SNX2: variants seen among roughly 807,000 people sequenced by gnomAD.
SNX2 encodes sorting nexin-2.
SNX2 carries 25 observed loss-of-function variants against 69.9 expected under a neutral mutation model. The ratio of observed to expected loss-of-function variants is 0.36; its 90% CI spans 0.26 to 0.50. The LOEUF is 0.50. SNX2 is among the 20% of genes least tolerant of loss of function. The probability of loss-of-function intolerance (pLI) is 0.97; values close to 1 mark genes in which losing one functional copy is unlikely to be tolerated. For synonymous variants in SNX2, 229 were observed against 200.4 expected (o/e 1.14, Z -1.20); for missense variants, 551 against 613.3 (o/e 0.90, Z 1.07).
chr5:122,800,217 C>T (rs1753476769), intron 3 of SNX2, among the ~76,000 whole-genome samples: 1 of 151,910 alleles, frequency 6.6e-6, no homozygotes, highest in African/African-American at 2.4e-5. Flanking sequence ...ACTGTTAATA[C>T]TTAAAGGTTG....
At chr5:122,809,956 T>G (rs551975617) in intron 7 of SNX2, among the ~76,000 whole-genome samples, 4 of 152,132 alleles carry the variant, frequency 2.6e-5, no homozygotes, top group Admixed American at 1.3e-4. Flanking sequence ...GTAGGAGAGG[T>G]CATAGACTGA....
chr5:122,817,083 T>C, intron 9 of SNX2, 55 bp downstream of exon 9: 1 of 1,337,454 alleles, frequency 7.5e-7, no homozygotes, highest in South Asian at 1.2e-5. Context: ...GCCCAACAAT[T>C]GCATTTTAAA....
chr5:122,832,676 C>T lies in SNX2; in HGVS notation c.*3028C>T, dbSNP rs1754320962. 1.3e-5 allele frequency: 2 copies of T among 152,106 alleles called. No homozygotes were observed. Among genetic ancestry groups the T allele is most frequent in the African/African-American group, 4.8e-5 (2 of 41,414 alleles). The allele number at this position is 152,106 out of a possible 1,614,324, so 9.4% of individuals were successfully genotyped here. A position where few individuals can be genotyped will look rare whatever the true frequency, so the allele number is the denominator to read the frequency against. On this transcript the variant is annotated 3_prime_UTR_variant, in exon 15 of 15. Transcript: ENST00000379516. ...TATGACATAAGCCTTTTAACATAAT[C>T]AGCTTTCTTTAAAGGAGGAAGTCAG...
At chr5:122,775,242 G>T in intron 1 of SNX2, 31 bp downstream of exon 1, 1 of 1,530,462 alleles carries the variant, frequency 6.5e-7, no homozygotes, top group East Asian at 2.5e-5. Context: ...GTGCTGCGCT[G>T]CGTAGCTGCC....
intron 1 of SNX2, among the ~76,000 whole-genome samples, chr5:122,783,972 C>G (rs34938313): frequency 0.2 from 30,945 of 151,618 alleles, 3,587 homozygotes; most frequent in East Asian, 0.46. Flanking sequence ...GCATACAGAT[C>G]TAGCACATAT....
intron 1 of SNX2, among the ~76,000 whole-genome samples, chr5:122,780,576 C>CT (rs57210069): frequency 8.7e-4 from 102 of 116,894 alleles, no homozygotes; most frequent in Non-Finnish European, 1.1e-3. Flanking sequence ...CTTTTCTTTT[C>CT]TTTTTTTTTT....
intron 1 of SNX2, among the ~76,000 whole-genome samples, chr5:122,785,508 T>A (rs1405460419): frequency 6.6e-6 from 1 of 152,014 alleles, no homozygotes; most frequent in Non-Finnish European, 1.5e-5. Flanking sequence ...CTTTTCTCCC[T>A]ACTCTTGCTG....
intron 11 of SNX2, among the ~76,000 whole-genome samples, chr5:122,823,706 G>C (rs989976290): frequency 1.2e-5 from 1 of 83,838 alleles, no homozygotes; most frequent in African/African-American, 6.3e-5. Context: ...TTTGGTGGTC[G>C]TGTGTATGTG....
chr5:122,811,366 ATTGAG>A (rs1753772156), intron 7 of SNX2, among the ~76,000 whole-genome samples: 1 of 152,196 alleles, frequency 6.6e-6, no homozygotes, highest in African/African-American at 2.4e-5. Context: ...TTTAGATCAT[ATTGAG>A]TGTATTTTAT....
intron 14 of SNX2, 40 bp downstream of exon 14, chr5:122,827,686 GT>G (rs767429952): frequency 1.4e-6 from 2 of 1,420,436 alleles, no homozygotes; most frequent in African/African-American, 1.4e-5. Flanking sequence ...TCTAGAATTT[GT>G]TTTTGGTATA....
At chr5:122,792,865 A>G (rs1444197859) in intron 1 of SNX2, among the ~76,000 whole-genome samples, 2 of 152,214 alleles carry the variant, frequency 1.3e-5, no homozygotes, top group South Asian at 2.1e-4. Context: ...CCCTTTAAAC[A>G]TATGAAAAAT....
chr5:122,775,714 C>T (rs1752842033), intron 1 of SNX2: 3 of 985,674 alleles, frequency 3.0e-6, no homozygotes, highest in Admixed American at 1.2e-4. Context: ...CCTTCACGGA[C>T]TGCTGGTTCC....
intron 7 of SNX2, among the ~76,000 whole-genome samples, chr5:122,811,993 A>C (rs79857306): frequency 2.0e-5 from 3 of 152,124 alleles, no homozygotes; most frequent in Non-Finnish European, 4.4e-5. Flanking sequence ...GGATTATCTA[A>C]TTCATTAGGA....
chr5:122,799,960 T>G, intron 3 of SNX2, 105 bp downstream of exon 3: 2 of 890,360 alleles, frequency 2.2e-6, no homozygotes, highest in Non-Finnish European at 3.3e-6. Context: ...TTTAGACATT[T>G]TGGGAAAAGA....
chr5:122,821,796 A>G (rs187760649), intron 11 of SNX2, among the ~76,000 whole-genome samples: 1 of 152,160 alleles, frequency 6.6e-6, no homozygotes, highest in East Asian at 1.9e-4. Flanking sequence ...TCCATCATAT[A>G]ACATTTAGAT....
At chr5:122,804,780 G>A (rs1753598623) in intron 6 of SNX2, among the ~76,000 whole-genome samples, 1 of 152,016 alleles carries the variant, frequency 6.6e-6, no homozygotes, top group Admixed American at 6.5e-5. Context: ...TCAAAATTTT[G>A]TAGTATTTTA....
chr5:122,790,642 T>C (rs143493997), intron 1 of SNX2, among the ~76,000 whole-genome samples: 1 of 152,250 alleles, frequency 6.6e-6, no homozygotes, highest in Non-Finnish European at 1.5e-5. Flanking sequence ...CAGTTCACTT[T>C]GGTTGGGCAG....
intron 1 of SNX2, among the ~76,000 whole-genome samples, chr5:122,778,433 A>G (rs1277888333): frequency 6.6e-6 from 1 of 152,188 alleles, no homozygotes; most frequent in African/African-American, 2.4e-5. Flanking sequence ...TTACGTTCCC[A>G]TCAGCAGCAG....
In SNX2 at chr5:122,831,115, T is replaced by C. The variant is rs535166040; in HGVS notation, c.*1467T>C. ...TCTTCTTGAGCTTAACCACCACATA[T>C]CCCTTCCATAGGAACAAGATATGGT... On this transcript the variant is annotated 3_prime_UTR_variant, in exon 15 of 15. Transcript: ENST00000379516. Among the ~76,000 whole-genome samples the C allele has an allele frequency of 3.3e-5, 5 of 149,566 alleles. No homozygotes were observed. Among genetic ancestry groups the C allele is most frequent in the South Asian group, 2.2e-4 (1 of 4,602 alleles).
Sources: allele counts gnomAD v4.1 joint callset (sites outside exome capture counted in the v4.1 genomes callset), GRCh38; gene constraint gnomAD v4.1.1; transcripts MANE v1.5; gene names NCBI Gene and HGNC (gene_info 2026-07-23, HGNC 2026-07-21).